Variants in NXPH2 observed in about 807,000 individuals in gnomAD.
NXPH2 encodes neurexophilin 2, also known as neurexophilin-2.
Under a neutral mutation model 19.8 loss-of-function variants are expected in NXPH2, and 5 were observed. That is an observed-to-expected ratio of 0.25 (90% CI 0.13 to 0.53). The LOEUF (loss-of-function observed/expected upper bound fraction) is 0.53, where lower values mean the gene tolerates loss of function less well. Ranked by LOEUF, NXPH2 falls within the 20% of genes least tolerant of loss-of-function variation. The probability of loss-of-function intolerance (pLI) is 0.96; values close to 1 mark genes in which losing one functional copy is unlikely to be tolerated. For missense variants in NXPH2, 289 were observed against 322.8 expected (o/e 0.90, Z 0.80); for synonymous variants, 154 against 127.4 (o/e 1.21, Z -1.41).
intron 1 of NXPH2, among the ~76,000 whole-genome samples, chr2:138,748,397 C>CT (rs1681774601): frequency 6.6e-6 from 1 of 152,178 alleles, no homozygotes; most frequent in African/African-American, 2.4e-5. Flanking sequence ...ATGAGGCATC[C>CT]TGTTGCCCAA....
At chr2:138,705,096 G>T (rs1680987780) in intron 1 of NXPH2, among the ~76,000 whole-genome samples, 1 of 151,916 alleles carries the variant, frequency 6.6e-6, no homozygotes, top group African/African-American at 2.4e-5. Context: ...CAAAGTGTTG[G>T]GATAACAGGC....
At chr2:138,706,282 T>C (rs1681007540) in intron 1 of NXPH2, among the ~76,000 whole-genome samples, 1 of 152,244 alleles carries the variant, frequency 6.6e-6, no homozygotes. Context: ...GCTTAAGGAA[T>C]TAAGTTGGCA....
rs1013949754 is a variant in NXPH2, at chr2:138,745,499, G to A, written c.51+34692C>T. ...CCTTTTCTTCTTTTTTTGGCGGGGGGGGGGGGGTGTTGTTTGCATGTTTTT... is the reference window on the plus strand; with the variant it reads ...CCTTTTCTTCTTTTTTTGGCGGGGGAGGGGGGGTGTTGTTTGCATGTTTTT... On this transcript the variant is annotated intron_variant, in intron 1 of 1. Coordinates refer to ENST00000272641, the MANE Select transcript of NXPH2 (RefSeq NM_007226.3). 8.1e-5 allele frequency among the ~76,000 whole-genome samples: 12 copies of A among 148,932 alleles called. 1 individual carries two copies. The highest frequency in any genetic ancestry group is 2.0e-4 in the East Asian group (1 of 5,012).
intron 1 of NXPH2, among the ~76,000 whole-genome samples, chr2:138,727,227 A>C (rs1268341135): frequency 1.3e-5 from 2 of 152,204 alleles, no homozygotes; most frequent in Non-Finnish European, 2.9e-5. Flanking sequence ...AATTATAGAT[A>C]AAGCTGAATC....
Position 138,707,094 on chromosome 2 carries a change from C to CAAAAAAAAAAAAAAAAAAA in NXPH2, c.52-35430_52-35429insTTTTTTTTTTTTTTTTTTT, listed in dbSNP as rs70982073. 8.4e-3 allele frequency among the ~76,000 whole-genome samples: 293 copies of CAAAAAAAAAAAAAAAAAAA among 34,774 alleles called. 61 individuals are homozygous for CAAAAAAAAAAAAAAAAAAA. Among genetic ancestry groups the CAAAAAAAAAAAAAAAAAAA allele is most frequent in the Middle Eastern group, 0.026 (1 of 38 alleles). The allele number at this position is 34,774 out of a possible 152,430, so 22.8% of individuals were successfully genotyped here. ...ATGACTTTAAGTACTTGCCCCATGACAAAAAAAAAAAAAAAAAAGAGCAAG... is the reference window on the plus strand; with the variant it reads ...ATGACTTTAAGTACTTGCCCCATGACAAAAAAAAAAAAAAAAAAAAAAAAAAAAAAAAAAAAAGAGCAAG... On this transcript the variant is annotated intron_variant, in intron 1 of 1. Transcript: ENST00000272641.
chr2:138,671,245 C>T lies in NXPH2; in HGVS notation c.472G>A (p.Val158Met), dbSNP rs1201028946. Residue 158 changes from valine to methionine, a missense_variant, in exon 2 of 2, where the codon GTG (valine) becomes ATG (methionine). Coordinates refer to ENST00000272641, the MANE Select transcript of NXPH2 (RefSeq NM_007226.3). ...ACCTTGGAGGGTGGTACCAAGCTCA[C>T]TGAAACATTGCCCAGGCCTGTTGAA... ...HNSTGLGNVS[V>M]SLVPPSKVVE... 1 of 1,613,906 alleles carries T rather than the reference C, an allele frequency of 6.2e-7. No homozygotes were observed. The highest frequency in any genetic ancestry group is 8.5e-7 in the Non-Finnish European group (1 of 1,179,828).
At chr2:138,697,893 A>G (rs1045321812) in intron 1 of NXPH2, among the ~76,000 whole-genome samples, 1 of 152,178 alleles carries the variant, frequency 6.6e-6, no homozygotes, top group African/African-American at 2.4e-5. Flanking sequence ...TATGAAATAT[A>G]TGAAAACAAC....
intron 1 of NXPH2, among the ~76,000 whole-genome samples, chr2:138,704,217 G>A (rs1680974789): frequency 6.6e-6 from 1 of 152,116 alleles, no homozygotes; most frequent in Non-Finnish European, 1.5e-5. Context: ...TGTGTCCTCA[G>A]GCTATTAAAG....
chr2:138,718,305 G>A (rs1383005799), intron 1 of NXPH2, among the ~76,000 whole-genome samples: 2 of 151,966 alleles, frequency 1.3e-5, no homozygotes, highest in African/African-American at 2.4e-5. Context: ...AGAAAAAAAT[G>A]GGGCCACTTA....
intron 1 of NXPH2, among the ~76,000 whole-genome samples, chr2:138,735,088 C>T (rs534662642): frequency 7.2e-5 from 11 of 152,198 alleles, no homozygotes; most frequent in African/African-American, 1.4e-4. Context: ...ATAGAAATGG[C>T]GCTGTTCTGG....
intron 1 of NXPH2, among the ~76,000 whole-genome samples, chr2:138,772,545 C>T (rs1011618082): frequency 5.3e-5 from 8 of 152,206 alleles, no homozygotes; most frequent in African/African-American, 1.9e-4. Flanking sequence ...GATCTCCCCA[C>T]CTCGACCTCT....
Position 138,721,467 on chromosome 2 carries a change from T to C in NXPH2, c.52-49802A>G, listed in dbSNP as rs181559498. ...ATCATGATTTTATATTATAGAAGTT[T>C]GTTTTTTTTTAATGGAGCAAAATAA... is the stretch of plus-strand genomic sequence containing the variant. On this transcript the variant is annotated intron_variant, in intron 1 of 1. Coordinates refer to ENST00000272641, the MANE Select transcript of NXPH2 (RefSeq NM_007226.3). 2.0e-3 allele frequency among the ~76,000 whole-genome samples: 311 copies of C among 152,244 alleles called. 1 individual carries two copies. Among genetic ancestry groups the C allele is most frequent in the African/African-American group, 7.1e-3 (297 of 41,540 alleles).
rs544169844 is a variant in NXPH2 at position 138,735,447 on chromosome 2, C to T, written c.51+44744G>A. Among the ~76,000 whole-genome samples, 22 of 152,150 alleles carry T rather than the reference C, an allele frequency of 1.4e-4. No homozygotes were observed. The South Asian group carries it at 4.6e-3, about 32-fold the overall frequency. On this transcript the variant is annotated intron_variant, in intron 1 of 1. Transcript: ENST00000272641. ...GAGAGCCAAGCAAAAGAGGTTTTCC[C>T]TCATAAAACCATCAGAACTCATGAG...
At chr2:138,674,985 C>T (rs1680465074) in intron 1 of NXPH2, among the ~76,000 whole-genome samples, 1 of 152,206 alleles carries the variant, frequency 6.6e-6, no homozygotes, top group Non-Finnish European at 1.5e-5. Context: ...AGCTTCTGAA[C>T]TTCTTCCCTC....
intron 1 of NXPH2, among the ~76,000 whole-genome samples, chr2:138,672,521 A>G (rs1680430333): frequency 6.6e-6 from 1 of 152,142 alleles, no homozygotes; most frequent in African/African-American, 2.4e-5. Context: ...TTTACTAAAA[A>G]TAATTTAGTT....
intron 1 of NXPH2, among the ~76,000 whole-genome samples, chr2:138,682,081 T>C (rs552761887): frequency 6.6e-6 from 1 of 152,300 alleles, no homozygotes; most frequent in South Asian, 2.1e-4. Context: ...GCTTTGACAG[T>C]ACTGTCCTAT....
intron 1 of NXPH2, among the ~76,000 whole-genome samples, chr2:138,722,313 G>T (rs1365432351): frequency 6.6e-6 from 1 of 152,182 alleles, no homozygotes; most frequent in Non-Finnish European, 1.5e-5. Flanking sequence ...ACACATTTTG[G>T]AAAAAGAGAA....
rs955016101 is a variant in NXPH2, at chr2:138,670,336, T to C, written c.*586A>G. 2.0e-5 allele frequency among the ~76,000 whole-genome samples: 3 copies of C among 152,194 alleles called. No individual in the cohort carries two copies. The highest frequency in any genetic ancestry group is 4.4e-5 in the Non-Finnish European group (3 of 68,032). ...TTCCACGCAACTGTAGCTCAGATGATAAGGAACTTGGTTCCACTGTGGCAC... is the reference window on the plus strand; with the variant it reads ...TTCCACGCAACTGTAGCTCAGATGACAAGGAACTTGGTTCCACTGTGGCAC... On this transcript the variant is annotated 3_prime_UTR_variant, in exon 2 of 2. Transcript: ENST00000272641.
chr2:138,749,929 G>A, intron 1 of NXPH2, among the ~76,000 whole-genome samples: 1 of 152,110 alleles, frequency 6.6e-6, no homozygotes, highest in Non-Finnish European at 1.5e-5. Context: ...CATTTCAAAT[G>A]ATGCTTAGAA....
Sources: gnomAD v4.1 joint callset for allele counts (sites outside exome capture counted in the v4.1 genomes callset) on GRCh38, gnomAD v4.1.1 for gene constraint, MANE v1.5 for transcripts, NCBI Gene and HGNC (gene_info 2026-07-23, HGNC 2026-07-21) for gene names.